The following LRRK1 variants were observed in gnomAD, a reference collection of about 807,000 sequenced individuals.
LRRK1 encodes the protein leucine rich repeat kinase 1, also known as leucine-rich repeat serine/threonine-protein kinase 1.
A neutral mutation model predicts 209.1 loss-of-function variants in LRRK1; 113 were observed. That is an observed-to-expected ratio of 0.54 (90% CI 0.46 to 0.63). The LOEUF is 0.63. LRRK1 is among the 30% of genes least tolerant of loss of function. The pLI is 0.00. For missense variants in LRRK1, 2,284 were observed against 2,632.2 expected (o/e 0.87, Z 2.89); for synonymous variants, 1,144 against 1,099.7 (o/e 1.04, Z -0.80).
rs765982678 is a variant in LRRK1, at chr15:101,065,771, G to A, written c.5334G>A (p.Gly1778=). Residue 1778 remains glycine, a synonymous_variant, in exon 32 of 34, where the codon GGG becomes GGA. Coordinates refer to ENST00000388948, the MANE Select transcript of LRRK1 (RefSeq NM_024652.6). ...AGCTGTGTGCCCGGTACTTCTGCGG[G>A]GTCCCCAGCCCCCTCAGGGACATGT... ...TYQLCARYFC[G]VPSPLRDMFP... 15 of 1,613,974 alleles carry A rather than the reference G, an allele frequency of 9.3e-6. No homozygotes were observed. The highest frequency in any genetic ancestry group is 1.2e-5 in the Non-Finnish European group (14 of 1,180,038).
chr15:101,058,091 C>A lies in LRRK1; in HGVS notation c.4629C>A (p.Ser1543=). 1.9e-6 allele frequency: 3 copies of A among 1,614,154 alleles called. No individual in the cohort carries two copies. The highest frequency in any genetic ancestry group is 2.5e-6 in the Non-Finnish European group (3 of 1,180,026). ...GGAAGCAGACAGCCTTCTTCTCATC[C>A]CAGGGCCAGGAGTACACCGTGGTGT... The part of the protein sequence containing the change: ...CCGKQTAFFS[S]QGQEYTVVFW... Residue 1543 remains serine, a synonymous_variant, in exon 29 of 34, where the codon TCC becomes TCA. Transcript: ENST00000388948.
At position 101,046,087 on chromosome 15, in the gene LRRK1, C is replaced by G. The variant is rs2035060707; in HGVS notation, c.3070C>G (p.Pro1024Ala). The G allele has an allele frequency of 6.2e-7, 1 of 1,614,130 alleles. No individual in the cohort carries two copies. Among genetic ancestry groups the G allele is most frequent in the African/African-American group, 1.3e-5 (1 of 74,942 alleles). The change falls in exon 21 of 34, where the codon CCC (proline) becomes GCC (alanine). Residue 1024 changes from proline to alanine, a missense_variant. Around this residue, in one of 6 missense-constraint regions of LRRK1, gnomAD observed 780 missense variants for 985.2 expected, o/e 0.79. Coordinates refer to ENST00000388948, the MANE Select transcript of LRRK1 (RefSeq NM_024652.6). ...GAGGGTATTTAAGATGAGCTTCGTT[C>G]CCGTTGGCTTCTGGCAAAGGTTTAT... ...IQRVFKMSFV[P>A]VGFWQRFIAR...
chr15:101,054,110 C>T (rs2035648936), intron 26 of LRRK1, among the ~76,000 whole-genome samples: 1 of 152,172 alleles, frequency 6.6e-6, no homozygotes, highest in African/African-American at 2.4e-5. Flanking sequence ...TCCCGAGTAG[C>T]TACAAGCACA....
At chr15:101,010,101 C>G (rs1166556884) in intron 7 of LRRK1, among the ~76,000 whole-genome samples, 2 of 152,236 alleles carry the variant, frequency 1.3e-5, no homozygotes, top group African/African-American at 4.8e-5. Context: ...AGGCCCTTCA[C>G]CTGGGCCAGA....
intron 20 of LRRK1, among the ~76,000 whole-genome samples, chr15:101,040,930 A>T (rs1232374323): frequency 6.6e-6 from 1 of 152,212 alleles, no homozygotes; most frequent in African/African-American, 2.4e-5. Flanking sequence ...AGTGGTAAAC[A>T]ACGTGTTCAA....
chr15:101,028,817 A>C, intron 19 of LRRK1, 139 bp from the exon 20 acceptor site: 3 of 943,924 alleles, frequency 3.2e-6, no homozygotes, highest in Non-Finnish European at 4.8e-6. Context: ...AGCCCACCTG[A>C]AGGGTCCAGC....
At chr15:100,943,613 CTT>C (rs75629177) in intron 2 of LRRK1, among the ~76,000 whole-genome samples, 12 of 131,880 alleles carry the variant, frequency 9.1e-5, no homozygotes, top group South Asian at 2.5e-4. Context: ...TTACTTGGTT[CTT>C]TTTTTTTTTT....
At chr15:101,005,769 T>A (rs1034582172) in intron 6 of LRRK1, among the ~76,000 whole-genome samples, 31 of 151,330 alleles carry the variant, frequency 2.0e-4, no homozygotes, top group African/African-American at 6.3e-4. Context: ...CTGGACAAAT[T>A]GGGGATGACT....
chr15:101,012,268 A>C, intron 10 of LRRK1, 123 bp downstream of exon 10: 1 of 968,108 alleles, frequency 1.0e-6, no homozygotes, highest in Non-Finnish European at 1.6e-6. Context: ...AAGATGAAGA[A>C]AAAGTTCAGC....
chr15:101,026,987 G>C (rs985572867), intron 17 of LRRK1, among the ~76,000 whole-genome samples: 3 of 152,026 alleles, frequency 2.0e-5, no homozygotes, highest in African/African-American at 7.2e-5. Flanking sequence ...TGCCCAGCCT[G>C]TACCCTTGGG....
At chr15:100,944,497 A>C (rs1417420349) in intron 2 of LRRK1, among the ~76,000 whole-genome samples, 1 of 152,148 alleles carries the variant, frequency 6.6e-6, no homozygotes, top group East Asian at 1.9e-4. Context: ...ATTTGCTTTA[A>C]CCTTTCGGAG....
chr15:100,940,716 A>G (rs1200402202), intron 2 of LRRK1, among the ~76,000 whole-genome samples: 2 of 152,108 alleles, frequency 1.3e-5, no homozygotes, highest in Non-Finnish European at 2.9e-5. Flanking sequence ...GGGGCCCTGG[A>G]GGTGCTGGAA....
intron 12 of LRRK1, among the ~76,000 whole-genome samples, chr15:101,015,855 A>C (rs1478284686): frequency 6.6e-6 from 1 of 152,154 alleles, no homozygotes; most frequent in Non-Finnish European, 1.5e-5. Flanking sequence ...ATTTTCTCAC[A>C]GTTCTGGAAG....
rs115630966 is a variant in LRRK1 at position 101,063,959 on chromosome 15, C to T, written c.4914+1269C>T. Among the ~76,000 whole-genome samples the T allele has an allele frequency of 3.3e-3, 497 of 152,306 alleles. 4 individuals are homozygous for T. The highest frequency in any genetic ancestry group is 0.011 in the African/African-American group (462 of 41,584). On this transcript the variant is annotated intron_variant, in intron 31 of 33. Coordinates refer to ENST00000388948, the MANE Select transcript of LRRK1 (RefSeq NM_024652.6). ...TATTGAGGCCACCGCTGGCGAGAGC[C>T]CCCAGCCAGGGCACCACCTCCTGCA...
At chr15:101,000,168 G>A (rs2032619294) in intron 6 of LRRK1, among the ~76,000 whole-genome samples, 1 of 152,152 alleles carries the variant, frequency 6.6e-6, no homozygotes, top group African/African-American at 2.4e-5. Context: ...TCCCTGTGGT[G>A]GTTATTCTCA....
chr15:100,973,634 G>A (rs896919087), intron 2 of LRRK1, among the ~76,000 whole-genome samples, 170 bp from the exon 3 acceptor site: 2 of 152,204 alleles, frequency 1.3e-5, no homozygotes, highest in African/African-American at 4.8e-5. Flanking sequence ...TGGGTTGCGG[G>A]TCGCGGGGCG....
At position 100,973,978 on chromosome 15, in the gene LRRK1, G is replaced by T; in HGVS notation, c.261+11G>T. 1 of 1,245,800 alleles carries T rather than the reference G, an allele frequency of 8.0e-7. No homozygotes were observed. Among genetic ancestry groups the T allele is most frequent in the Non-Finnish European group, 1.0e-6 (1 of 989,638 alleles). 77.2% of individuals were successfully genotyped at this position (1,245,800 alleles called of 1,614,324 possible). ...TCCCAGCTGGAAAAGGTAGGGGAGC[G>T]CCTGCCCCTGCGGCCACCCATGCAG... On this transcript the variant is annotated intron_variant, in intron 3 of 33. Transcript: ENST00000388948.
chr15:101,040,707 TTG>T (rs1313956211), intron 20 of LRRK1, among the ~76,000 whole-genome samples: 3 of 152,246 alleles, frequency 2.0e-5, no homozygotes, highest in Non-Finnish European at 4.4e-5. Flanking sequence ...TTTTGCTATG[TTG>T]TGTTTTTATC....
rs1462863538 is a variant in LRRK1 at position 101,077,330 on chromosome 15, T to C, written c.*8482T>C. 1 of 152,250 alleles carries C rather than the reference T, an allele frequency of 6.6e-6. No homozygotes were observed. Among genetic ancestry groups the C allele is most frequent in the African/African-American group, 2.4e-5 (1 of 41,460 alleles). The allele number at this position is 152,250 out of a possible 1,614,324, so 9.4% of individuals were successfully genotyped here. On this transcript the variant is annotated 3_prime_UTR_variant, in exon 34 of 34. Coordinates refer to ENST00000388948, the MANE Select transcript of LRRK1 (RefSeq NM_024652.6). ...CCTATTCACCATTCTCAACTACTCA[T>C]ACGTGCCCTGCTCTTGTTTACACTG...
Sources: allele counts gnomAD v4.1 joint callset (sites outside exome capture counted in the v4.1 genomes callset), GRCh38; gene constraint gnomAD v4.1.1; regional missense constraint gnomAD v4.1.1; transcripts MANE v1.5; gene names NCBI Gene and HGNC (gene_info 2026-07-23, HGNC 2026-07-21).